Variants in KCNQ5 observed in about 807,000 individuals in gnomAD.
The protein encoded by KCNQ5 is potassium voltage-gated channel subfamily KQT member 5.
A neutral mutation model predicts 98.2 loss-of-function variants in KCNQ5; 30 were observed. The observed-to-expected ratio is 0.31, with a 90% CI of 0.23 to 0.41. KCNQ5 has a LOEUF of 0.41. Ranked by LOEUF, KCNQ5 falls within the 10% of genes least tolerant of loss-of-function variation. KCNQ5 has a pLI of 1.00. For synonymous variants in KCNQ5, 458 were observed against 449.4 expected, an observed-to-expected ratio of 1.02 and a Z score of -0.24; for missense variants, 835 against 1,182.5, an observed-to-expected ratio of 0.71 and a Z score of 4.31.
intron 10 of KCNQ5, among the ~76,000 whole-genome samples, chr6:73,155,987 C>T (rs1017791774): frequency 6.6e-6 from 1 of 152,120 alleles, no homozygotes. Flanking sequence ...AAGTCCCTAG[C>T]CAAGGACTTA....
intron 10 of KCNQ5, among the ~76,000 whole-genome samples, chr6:73,151,713 C>T (rs563347569): frequency 1.4e-3 from 207 of 152,300 alleles, no homozygotes; most frequent in African/African-American, 4.6e-3. Flanking sequence ...CTCCTTTTAC[C>T]TGAGCTGGCT....
At chr6:73,096,139 T>A (rs1015059055) in intron 5 of KCNQ5, among the ~76,000 whole-genome samples, 1 of 151,438 alleles carries the variant, frequency 6.6e-6, no homozygotes, top group African/African-American at 2.4e-5. Flanking sequence ...GAACTTAGAG[T>A]CCAGTGTTCA....
intron 1 of KCNQ5, among the ~76,000 whole-genome samples, chr6:72,657,235 A>T (rs912815028): frequency 6.6e-6 from 1 of 152,194 alleles, no homozygotes; most frequent in African/African-American, 2.4e-5. Flanking sequence ...TGGAAATAAA[A>T]TAAGATAGAA....
intron 1 of KCNQ5, among the ~76,000 whole-genome samples, chr6:72,949,766 G>A (rs1324408473): frequency 1.3e-5 from 2 of 152,192 alleles, no homozygotes; most frequent in East Asian, 3.9e-4. Context: ...ATCATTATGG[G>A]AATAAAACTA....
intron 1 of KCNQ5, among the ~76,000 whole-genome samples, chr6:72,781,448 T>A (rs1289968913): frequency 6.6e-6 from 1 of 152,214 alleles, no homozygotes; most frequent in Non-Finnish European, 1.5e-5. Flanking sequence ...TCTTGTTATA[T>A]TTCCAGCTAG....
chr6:73,187,663 TAA>T (rs1765427949), intron 11 of KCNQ5, among the ~76,000 whole-genome samples: 1 of 152,214 alleles, frequency 6.6e-6, no homozygotes, highest in Admixed American at 6.6e-5. Context: ...ACATAAAAGA[TAA>T]TCAGTTTCAT....
intron 2 of KCNQ5, among the ~76,000 whole-genome samples, chr6:73,013,002 A>G (rs538584294): frequency 4.1e-4 from 62 of 152,224 alleles, no homozygotes; most frequent in African/African-American, 1.5e-3. Flanking sequence ...GGGATCTTCC[A>G]TGTTTAATGG....
At chr6:72,686,737 T>C (rs1007753161) in intron 1 of KCNQ5, among the ~76,000 whole-genome samples, 2 of 148,006 alleles carry the variant, frequency 1.4e-5, no homozygotes, top group African/African-American at 2.5e-5. Flanking sequence ...TTTTTTTTTT[T>C]ACTTTTAAGT....
intron 5 of KCNQ5, among the ~76,000 whole-genome samples, chr6:73,090,716 A>G (rs1774210364): frequency 1.3e-5 from 2 of 152,330 alleles, no homozygotes; most frequent in South Asian, 4.1e-4. Flanking sequence ...CAAAATTATG[A>G]AAAAATGCTC....
At chr6:73,017,494 TG>T (rs1582197613) in intron 2 of KCNQ5, among the ~76,000 whole-genome samples, 1 of 152,146 alleles carries the variant, frequency 6.6e-6, no homozygotes. Context: ...TAGGTCCCAC[TG>T]TTCCCCATGC....
chr6:72,628,394 C>T (rs1184461029), intron 1 of KCNQ5, among the ~76,000 whole-genome samples: 4 of 152,128 alleles, frequency 2.6e-5, no homozygotes, highest in Non-Finnish European at 4.4e-5. Context: ...TGGGCACAAT[C>T]GTGTCTGTGA....
chr6:72,736,863 T>C (rs1770878022), intron 1 of KCNQ5, among the ~76,000 whole-genome samples: 1 of 152,276 alleles, frequency 6.6e-6, no homozygotes, highest in East Asian at 1.9e-4. Flanking sequence ...GTATTATCAT[T>C]TTCTTTTTAA....
At position 72,908,935 on chromosome 6, in the gene KCNQ5, C is replaced by T. The variant is rs552421883; in HGVS notation, c.399-94973C>T. ...GTGCTTTACTCCAATGTTCAAATTT[C>T]TTTTTATAAATTGCAAAAAATGCAT... On this transcript the variant is annotated intron_variant, in intron 1 of 13. Transcript: ENST00000370398. Among the ~76,000 whole-genome samples the T allele has an allele frequency of 1.1e-4, 17 of 152,152 alleles. No individual in the cohort carries two copies. In the South Asian group the frequency reaches 3.5e-3, roughly 32 times the overall value.
chr6:72,702,092 T>C (rs947849292), intron 1 of KCNQ5, among the ~76,000 whole-genome samples: 2 of 152,226 alleles, frequency 1.3e-5, no homozygotes, highest in Non-Finnish European at 2.9e-5. Flanking sequence ...CTCAACTAAA[T>C]TGTTACATTC....
At chr6:72,771,203 G>A (rs1256959867) in intron 1 of KCNQ5, among the ~76,000 whole-genome samples, 3 of 152,056 alleles carry the variant, frequency 2.0e-5, no homozygotes, top group Non-Finnish European at 4.4e-5. Flanking sequence ...TGGGTGTGGG[G>A]CAGACAGTGA....
intron 2 of KCNQ5, among the ~76,000 whole-genome samples, chr6:73,023,996 A>G (rs1252910134): frequency 2.6e-5 from 4 of 152,218 alleles, no homozygotes; most frequent in African/African-American, 7.2e-5. Context: ...TAGGTTTTTT[A>G]TCTACATAAA....
chr6:73,032,351 A>G (rs1384386978), intron 2 of KCNQ5, among the ~76,000 whole-genome samples: 1 of 152,142 alleles, frequency 6.6e-6, no homozygotes, highest in African/African-American at 2.4e-5. Flanking sequence ...TATTTTTAGT[A>G]GAGACCGGAT....
chr6:73,050,173 C>T (rs1772154296), intron 3 of KCNQ5, among the ~76,000 whole-genome samples: 1 of 151,446 alleles, frequency 6.6e-6, no homozygotes, highest in Non-Finnish European at 1.5e-5. Context: ...ATTATGATTG[C>T]ACCACTGTAC....
In KCNQ5 at chr6:72,774,180, A is replaced by G. The variant is rs535180524; in HGVS notation, c.398+151593A>G. ...AATCTTCTAAAATAGGGGTTGGCAA[A>G]CTTTTCTTGAAGTGCCCAATATTAA... On this transcript the variant is annotated intron_variant, in intron 1 of 13. Coordinates refer to ENST00000370398, the MANE Select transcript of KCNQ5 (RefSeq NM_019842.4). 1.1e-4 allele frequency among the ~76,000 whole-genome samples: 17 copies of G among 152,284 alleles called. No individual in the cohort carries two copies. The South Asian group carries it at 3.3e-3, about 30-fold the overall frequency.
Sources: gnomAD v4.1 joint callset for allele counts (sites outside exome capture counted in the v4.1 genomes callset) on GRCh38, gnomAD v4.1.1 for gene constraint, MANE v1.5 for transcripts, NCBI Gene and HGNC (gene_info 2026-07-23, HGNC 2026-07-21) for gene names.